Variants in ERN1 observed in about 807,000 individuals in gnomAD.
ERN1 encodes endoplasmic reticulum to nucleus signaling 1, also known as serine/threonine-protein kinase/endoribonuclease IRE1.
A neutral mutation model predicts 113.1 loss-of-function variants in ERN1; 39 were observed. The observed-to-expected ratio is 0.34, with a 90% confidence interval of 0.27 to 0.45. ERN1 has a LOEUF of 0.45. Among genes scored for constraint, ERN1 ranks in the 20% least tolerant of loss-of-function variants. The pLI, the probability that ERN1 is intolerant of heterozygous loss-of-function variation, is 1.00. For synonymous variants in ERN1, 507 were observed against 515.9 expected (o/e 0.98, Z 0.23); for missense variants, 976 against 1,274.8 (o/e 0.77, Z 3.57).
chr17:64,080,618 C>T, intron 3 of ERN1, 157 bp downstream of exon 3: 6 of 638,126 alleles, frequency 9.4e-6, no homozygotes, highest in Non-Finnish European at 1.3e-5. Flanking sequence ...CTCCTCAACA[C>T]AAGCTTTCAT....
chr17:64,081,706 A>G lies in ERN1; in HGVS notation c.176-898T>C, dbSNP rs187560380. Among the ~76,000 whole-genome samples the G allele has an allele frequency of 8.6e-4, 131 of 152,368 alleles. 3 individuals are homozygous for G. The East Asian group carries it at 0.018, about 20-fold the overall frequency. The stretch of plus-strand genomic sequence containing the variant: ...CTTTTCTATATCTTAAAATTTCTGC[A>G]AGAGCAGGCATTACTTTTTAAATTG... On this transcript the variant is annotated intron_variant, in intron 2 of 21. Transcript: ENST00000433197.
At chr17:64,116,948 C>CAAAAAAAA in intron 1 of ERN1, among the ~76,000 whole-genome samples, 1 of 89,814 alleles carries the variant, frequency 1.1e-5, no homozygotes, top group African/African-American at 3.4e-5. Context: ...ACTAAAAATA[C>CAAAAAAAA]AAAAAAAAAA....
At chr17:64,107,947 G>A (rs182514816) in intron 1 of ERN1, among the ~76,000 whole-genome samples, 145 of 152,234 alleles carry the variant, frequency 9.5e-4, no homozygotes, top group African/African-American at 3.3e-3. Flanking sequence ...CCAGTCTATC[G>A]GCTGTTATGT....
At position 64,052,768 on chromosome 17, in the gene ERN1, C is replaced by A; in HGVS notation, c.2253+12G>T. On this transcript the variant is annotated intron_variant, in intron 17 of 21. Coordinates refer to ENST00000433197, the MANE Select transcript of ERN1 (RefSeq NM_001433.5). ...TTCTGTAGTTTTCAAAGGGCCATAG[C>A]CTATTACTCACAGGGTTCTCCTTAC... 1 of 1,610,890 alleles carries A rather than the reference C, an allele frequency of 6.2e-7. No individual in the cohort carries two copies. Among genetic ancestry groups the A allele is most frequent in the East Asian group, 2.2e-5 (1 of 44,790 alleles).
chr17:64,121,728 C>T (rs1270070595), intron 1 of ERN1, among the ~76,000 whole-genome samples: 1 of 152,176 alleles, frequency 6.6e-6, no homozygotes, highest in Non-Finnish European at 1.5e-5. Context: ...ACCTTATGAT[C>T]CGCCCGCCTC....
intron 5 of ERN1, among the ~76,000 whole-genome samples, chr17:64,073,004 ATTTT>A (rs34253228): frequency 2.3e-5 from 3 of 129,002 alleles, no homozygotes; most frequent in Non-Finnish European, 3.4e-5. Context: ...AGCCTTTGAA[ATTTT>A]TTTTTTTTTT....
intron 12 of ERN1, among the ~76,000 whole-genome samples, chr17:64,056,183 G>A (rs1243310454): frequency 7.2e-5 from 11 of 152,258 alleles, no homozygotes; most frequent in Admixed American, 5.2e-4. Flanking sequence ...CCTAGGAGGG[G>A]CTGGATGGCC....
rs1912839758 is a variant in ERN1 at position 64,055,697 on chromosome 17, G to A, written c.1650C>T (p.Pro550=). ...TACCTCCATCGTCTTGTTCCAGGGA[G>A]GGGCTGCTGCCAGCCTTGGAGGCAG... The part of the protein sequence containing the change: ...GSSASKAGSS[P]SLEQDDGDEE... Residue 550 remains proline, a synonymous_variant, in exon 13 of 22, where the codon CCC becomes CCT. Coordinates refer to ENST00000433197, the MANE Select transcript of ERN1 (RefSeq NM_001433.5). The A allele has an allele frequency of 1.3e-6, 2 of 1,599,800 alleles. No individual in the cohort carries two copies. Among genetic ancestry groups the A allele is most frequent in the East Asian group, 4.5e-5 (2 of 44,676 alleles).
chr17:64,059,287 T>C (rs1912976635), intron 11 of ERN1, among the ~76,000 whole-genome samples: 2 of 152,254 alleles, frequency 1.3e-5, no homozygotes, highest in South Asian at 4.1e-4. Flanking sequence ...CCTTTGTCTC[T>C]GGATAAAATC....
rs1331111202 is a variant in ERN1, at chr17:64,049,067, G to A, written c.2389C>T (p.Pro797Ser). The change falls in exon 18 of 22, where the codon CCA (proline) becomes TCA (serine). Residue 797 changes from proline to serine, a missense_variant. By Grantham distance (74) the Pro-to-Ser change is moderately conservative. Transcript: ENST00000433197. This position sits in a 1 kb window ranked among gnomAD's most constrained non-coding sequence, Gnocchi z 4.7. ...LGACSLDCLH[P>S]EKHEDVIARE... The stretch of plus-strand genomic sequence containing the variant: ...CTGGACCGCTCACCGTGCTTCTCTG[G>A]GTGCAAGCAGTCAAGGCTGCAGGCA... The A allele has an allele frequency of 6.3e-7, 1 of 1,595,438 alleles. No individual in the cohort carries two copies. Among genetic ancestry groups the A allele is most frequent in the Non-Finnish European group, 8.6e-7 (1 of 1,165,896 alleles).
Position 64,043,984 on chromosome 17 carries a change from T to G in ERN1, c.*4A>C, listed in dbSNP as rs1912421200. 1 of 1,601,662 alleles carries G rather than the reference T, an allele frequency of 6.2e-7. No homozygotes were observed. The highest frequency in any genetic ancestry group is 1.7e-5 in the Admixed American group (1 of 59,338). Reference sequence around the variant, plus strand: ...GGCCACCAGAACAGAGGGGCCGCCCTCGCTCAGAGGGCGTCTGGAGTCACT... The same window carrying G: ...GGCCACCAGAACAGAGGGGCCGCCCGCGCTCAGAGGGCGTCTGGAGTCACT... On this transcript the variant is annotated 3_prime_UTR_variant, in exon 22 of 22. Transcript: ENST00000433197.
intron 1 of ERN1, among the ~76,000 whole-genome samples, chr17:64,112,194 C>T (rs889490143): frequency 6.6e-6 from 1 of 151,798 alleles, no homozygotes; most frequent in Non-Finnish European, 1.5e-5. Flanking sequence ...GTGGTAAAAC[C>T]CCATCTCTAT....
At chr17:64,076,192 T>C (rs1913586040) in intron 4 of ERN1, among the ~76,000 whole-genome samples, 1 of 152,256 alleles carries the variant, frequency 6.6e-6, no homozygotes. Flanking sequence ...TTCAGTATAC[T>C]TTATTTTTAG....
rs940569283 is a variant in ERN1, at chr17:64,064,043, G to A, written c.1030C>T (p.Pro344Ser). The A allele has an allele frequency of 6.2e-7, 1 of 1,613,944 alleles. No individual in the cohort carries two copies. Among genetic ancestry groups the A allele is most frequent in the Admixed American group, 1.7e-5 (1 of 60,010 alleles). ...AGCTTGTTCTTGCTTTTGAGTCCGG[G>A]ATCAAACTTGACGTCCGTGCTGGGC... ...ITPSTDVKFDPGLKSKNKLNY... is the reference protein window; with the variant it reads ...ITPSTDVKFDSGLKSKNKLNY... Residue 344 changes from proline (P) to serine (S), a missense_variant, in exon 10 of 22, where the codon CCC becomes TCC. Pro to Ser is a moderately conservative substitution (Grantham distance 74, BLOSUM62 -1). This residue lies in a region of ERN1 where 459 missense variants were observed against 581.2 expected (regional missense o/e 0.79). Coordinates refer to ENST00000433197, the MANE Select transcript of ERN1 (RefSeq NM_001433.5).
intron 2 of ERN1, among the ~76,000 whole-genome samples, chr17:64,088,257 C>T (rs1913989783): frequency 6.6e-6 from 1 of 152,150 alleles, no homozygotes; most frequent in Admixed American, 6.6e-5. Context: ...TACTGCCCTC[C>T]TCCACCTTGT....
chr17:64,061,869 C>T (rs1380472472), intron 10 of ERN1, among the ~76,000 whole-genome samples: 1 of 152,214 alleles, frequency 6.6e-6, no homozygotes, highest in African/African-American at 2.4e-5. Context: ...CCCACAACAC[C>T]CACTCAGTGC....
At chr17:64,110,922 A>G (rs1363688617) in intron 1 of ERN1, among the ~76,000 whole-genome samples, 1 of 152,198 alleles carries the variant, frequency 6.6e-6, no homozygotes, top group Non-Finnish European at 1.5e-5. Flanking sequence ...AAAGGGGCAA[A>G]GCATGAGGAA....
In ERN1 at chr17:64,057,848, G is replaced by A. The variant is rs776142930; in HGVS notation, c.1352C>T (p.Thr451Ile). The A allele has an allele frequency of 7.4e-6, 12 of 1,613,996 alleles. No homozygotes were observed. Among genetic ancestry groups the A allele is most frequent in the Non-Finnish European group, 1.0e-5 (12 of 1,179,888 alleles). The change falls in exon 12 of 22, where the codon ACC (threonine) becomes ATC (isoleucine). Residue 451 changes from threonine (T) to isoleucine (I), a missense_variant. Around this residue, in one of 5 missense-constraint regions of ERN1, gnomAD observed 459 missense variants for 581.2 expected, o/e 0.79. Coordinates refer to ENST00000433197, the MANE Select transcript of ERN1 (RefSeq NM_001433.5). ...GGCCACCCAGCCAATCAGCAGGAAG[G>A]TGCTCAGGATGATGGTAGCCATGTC... Reference protein sequence around the residue: ...LKDMATIILSTFLLIGWVAFI... With the variant: ...LKDMATIILSIFLLIGWVAFI...
chr17:64,072,283 CTT>C (rs1369113892), intron 5 of ERN1, among the ~76,000 whole-genome samples, 180 bp from the exon 6 acceptor site: 2 of 152,198 alleles, frequency 1.3e-5, no homozygotes, highest in East Asian at 3.8e-4. Flanking sequence ...GTCCATAGGT[CTT>C]ATAATAATTT....
Sources: allele counts gnomAD v4.1 joint callset (sites outside exome capture counted in the v4.1 genomes callset), GRCh38; gene constraint gnomAD v4.1.1; regional missense constraint gnomAD v4.1.1; non-coding constraint Gnocchi (gnomAD v3.1); transcripts MANE v1.5; gene names NCBI Gene and HGNC (gene_info 2026-07-23, HGNC 2026-07-21).